The following ARB2A variants were observed in gnomAD, a reference collection of about 807,000 sequenced individuals.
ARB2A encodes cotranscriptional regulator ARB2A.
chr5:93,811,928 G>T, the ARB2A span, among the ~76,000 whole-genome samples: 14 of 152,052 alleles, frequency 9.2e-5, no homozygotes, highest in Non-Finnish European at 1.6e-4. Context: ...TCTTGACCCA[G>T]TCATGTCTTA....
chr5:93,844,303 G>A, the ARB2A span, among the ~76,000 whole-genome samples: 1 of 152,090 alleles, frequency 6.6e-6, no homozygotes, highest in East Asian at 1.9e-4. Context: ...AATTAGCCAG[G>A]TGTGGTGGTG....
chr5:93,715,623 G>C, the ARB2A span, among the ~76,000 whole-genome samples: 1 of 150,184 alleles, frequency 6.7e-6, no homozygotes, highest in Non-Finnish European at 1.5e-5. Flanking sequence ...TTTCTTCTTT[G>C]CACTGATCCT....
the ARB2A span, chr5:93,805,227 T>C: frequency 3.0e-6 from 3 of 985,090 alleles, no homozygotes; most frequent in Non-Finnish European, 3.6e-6. Context: ...CACTGAATCC[T>C]TTCTTCTATG....
the ARB2A span, among the ~76,000 whole-genome samples, chr5:93,798,912 TG>T: frequency 1.3e-5 from 2 of 152,084 alleles, no homozygotes; most frequent in African/African-American, 4.8e-5. Flanking sequence ...GCCACCAAGG[TG>T]GTTTGTACAC....
chr5:93,848,125 C>G, the ARB2A span, among the ~76,000 whole-genome samples: 2 of 152,308 alleles, frequency 1.3e-5, no homozygotes, highest in Admixed American at 1.3e-4. Flanking sequence ...TGGCTCATGC[C>G]TGTAATCCCA....
At chr5:94,096,514 C>T in the ARB2A span, among the ~76,000 whole-genome samples, 1 of 152,166 alleles carries the variant, frequency 6.6e-6, no homozygotes, top group South Asian at 2.1e-4. Flanking sequence ...CTAGTAGTTA[C>T]ACTGGTGGTT....
chr5:93,705,964 T>C, the ARB2A span, among the ~76,000 whole-genome samples: 7 of 152,112 alleles, frequency 4.6e-5, no homozygotes, highest in African/African-American at 1.7e-4. Flanking sequence ...ATTAAAAATA[T>C]GGCTAGAAAA....
the ARB2A span, chr5:93,910,839 T>G: frequency 2.6e-5 from 4 of 151,484 alleles, no homozygotes; most frequent in African/African-American, 9.7e-5. Flanking sequence ...TGCAATTTTC[T>G]TACTGCTATT....
chr5:93,905,166 T>C, the ARB2A span, among the ~76,000 whole-genome samples: 2 of 151,720 alleles, frequency 1.3e-5, no homozygotes, highest in Admixed American at 1.3e-4. Flanking sequence ...TAAGAAGATA[T>C]GGTGAATACA....
the ARB2A span, among the ~76,000 whole-genome samples, chr5:93,945,593 T>C: frequency 1.3e-5 from 2 of 151,870 alleles, no homozygotes; most frequent in Non-Finnish European, 2.9e-5. Context: ...TATGGAATGG[T>C]TAAAAGAAAA....
the ARB2A span, among the ~76,000 whole-genome samples, chr5:93,694,012 TA>T: frequency 9.2e-5 from 14 of 152,174 alleles, no homozygotes; most frequent in East Asian, 9.7e-4. Context: ...CTAAAAACTC[TA>T]AAAAAATTAG....
At chr5:93,646,203 C>T in the ARB2A span, among the ~76,000 whole-genome samples, 5 of 151,860 alleles carry the variant, frequency 3.3e-5, no homozygotes, top group South Asian at 4.1e-4. Context: ...CAAATGAAAA[C>T]GATTTTAGAT....
At chr5:93,827,575 T>C in the ARB2A span, among the ~76,000 whole-genome samples, 1 of 152,100 alleles carries the variant, frequency 6.6e-6, no homozygotes, top group South Asian at 2.1e-4. Flanking sequence ...TAGTTTCTTT[T>C]GCTGTGCAGA....
At chr5:93,703,149 A>C in the ARB2A span, among the ~76,000 whole-genome samples, 2 of 152,182 alleles carry the variant, frequency 1.3e-5, no homozygotes, top group African/African-American at 4.8e-5. Flanking sequence ...AATTACCCTA[A>C]ACACATACAC....
the ARB2A span, among the ~76,000 whole-genome samples, chr5:94,009,439 A>G: frequency 6.6e-6 from 1 of 152,200 alleles, no homozygotes; most frequent in East Asian, 1.9e-4. Context: ...CTGAGAACTC[A>G]TCAAATATAA....
chr5:93,688,695 C>A, the ARB2A span, among the ~76,000 whole-genome samples: 14 of 152,084 alleles, frequency 9.2e-5, no homozygotes, highest in Non-Finnish European at 1.6e-4. Flanking sequence ...ACTCAGCATG[C>A]CAAAACTGAA....
chr5:94,011,961 C>T, the ARB2A span, among the ~76,000 whole-genome samples: 5 of 111,286 alleles, frequency 4.5e-5, no homozygotes, highest in Admixed American at 3.8e-4. Context: ...AAAAAAAAGA[C>T]GAGGCAAAGG....
chr5:93,653,253 A>C, the ARB2A span, among the ~76,000 whole-genome samples: 1 of 151,984 alleles, frequency 6.6e-6, no homozygotes, highest in Non-Finnish European at 1.5e-5. Context: ...TTCTTCCTGT[A>C]ATCCCAGCAC....
At chr5:93,898,127 G>C in the ARB2A span, among the ~76,000 whole-genome samples, 1 of 151,978 alleles carries the variant, frequency 6.6e-6, no homozygotes. Context: ...CTCATCATAA[G>C]ATGAATACTA....
Sources: allele counts gnomAD v4.1 joint callset (sites outside exome capture counted in the v4.1 genomes callset), GRCh38; gene constraint gnomAD v4.1.1; transcripts MANE v1.5; gene names NCBI Gene and HGNC (gene_info 2026-07-23, HGNC 2026-07-21).